The following ACOT1 variants were observed in gnomAD, a reference collection of about 807,000 sequenced individuals.
ACOT1 encodes acyl-CoA thioesterase 1, also known as acyl-coenzyme A thioesterase 1.
ACOT1 carries 8 observed loss-of-function variants against 15.7 expected under a neutral mutation model. That is an observed-to-expected ratio of 0.51 (90% CI 0.30 to 0.92). ACOT1 has a LOEUF of 0.92. ACOT1 is among the 40% of genes least tolerant of loss of function. ACOT1 has a pLI of 0.06. For synonymous variants in ACOT1, 67 were observed against 241.2 expected (o/e 0.28, Z 6.69); for missense variants, 151 against 539.4 (o/e 0.28, Z 7.13).
At chr14:73,512,752 A>G in the ACOT1 span, among the ~76,000 whole-genome samples, 1 of 152,172 alleles carries the variant, frequency 6.6e-6, no homozygotes, top group African/African-American at 2.4e-5. Context: ...TAGTTGCTAA[A>G]TACTCTTTTG....
the ACOT1 span, among the ~76,000 whole-genome samples, chr14:73,529,354 CAAAAAAAA>C: frequency 2.4e-4 from 21 of 87,454 alleles, no homozygotes; most frequent in African/African-American, 8.6e-4. Flanking sequence ...GACTCTGTCT[CAAAAAAAA>C]AAAAAAAAAA....
Position 73,538,778 on chromosome 14 carries a change from G to A in ACOT1, c.457+900G>A, listed in dbSNP as rs1595154564. On this transcript the variant is annotated intron_variant, in intron 1 of 2. Coordinates refer to ENST00000311148, the MANE Select transcript of ACOT1 (RefSeq NM_001037161.2). ...GGATCAAGAGTTCGAGACCAGCCTG[G>A]CCAACATGGTGAAACCCCGTCTCTA... Among the ~76,000 whole-genome samples, 2 of 113,526 alleles carry A rather than the reference G, an allele frequency of 1.8e-5. 1 individual carries two copies. The highest frequency in any genetic ancestry group is 1.4e-3 in the East Asian group (2 of 1,422). The allele number at this position is 113,526 out of a possible 152,430, so 74.5% of individuals were successfully genotyped here.
At chr14:73,502,449 TGTTA>T in the ACOT1 span, among the ~76,000 whole-genome samples, 1 of 152,108 alleles carries the variant, frequency 6.6e-6, no homozygotes, top group African/African-American at 2.4e-5. Context: ...CTAGCCACAT[TGTTA>T]GTTTGTAGGG....
the ACOT1 span, chr14:73,514,275 C>G: frequency 6.3e-7 from 1 of 1,577,410 alleles, no homozygotes; most frequent in Non-Finnish European, 8.7e-7. Flanking sequence ...ACCCCACTGC[C>G]TTAGGCCCTG....
chr14:73,525,297 C>T, the ACOT1 span, among the ~76,000 whole-genome samples: 1 of 152,210 alleles, frequency 6.6e-6, no homozygotes, highest in East Asian at 1.9e-4. Flanking sequence ...CTTCTCAAAG[C>T]GTTGGGATTA....
chr14:73,537,997 C>T, intron 1 of ACOT1, 119 bp downstream of exon 1: 1 of 868,076 alleles, frequency 1.2e-6, no homozygotes, highest in Non-Finnish European at 1.5e-6. Flanking sequence ...GTGTGTCCCT[C>T]CTCCCGCCCC....
chr14:73,509,592 T>G, the ACOT1 span: 3 of 939,752 alleles, frequency 3.2e-6, no homozygotes. Context: ...CTTAGTGCTA[T>G]GTAATATAAT....
At chr14:73,526,871 TG>T in the ACOT1 span, among the ~76,000 whole-genome samples, 2 of 152,148 alleles carry the variant, frequency 1.3e-5, no homozygotes, top group East Asian at 3.9e-4. Context: ...CCCAGTGCAC[TG>T]CCATCTGTGG....
the ACOT1 span, chr14:73,493,236 T>A: frequency 2.4e-6 from 2 of 830,212 alleles, no homozygotes; most frequent in African/African-American, 1.7e-5. Flanking sequence ...TGGGTAACAC[T>A]GACCATGTCG....
the ACOT1 span, among the ~76,000 whole-genome samples, chr14:73,504,076 C>CT: frequency 1.8e-3 from 224 of 127,732 alleles, no homozygotes; most frequent in South Asian, 5.9e-3. Context: ...TTTTGCATTT[C>CT]TTTTTTTTTT....
the ACOT1 span, among the ~76,000 whole-genome samples, chr14:73,497,877 C>G: frequency 9.2e-5 from 14 of 152,200 alleles, no homozygotes; most frequent in African/African-American, 3.1e-4. Context: ...CCTCCTGCCT[C>G]AGCCTCCCAA....
the ACOT1 span, chr14:73,492,648 C>T: frequency 6.2e-7 from 1 of 1,613,980 alleles, no homozygotes; most frequent in Non-Finnish European, 8.5e-7. The surrounding 1 kb of genome is among the most constrained non-coding windows in gnomAD (Gnocchi z 4.9). Flanking sequence ...CAGTTGACAA[C>T]AGAAACAGAA....
At chr14:73,528,569 A>G in the ACOT1 span, among the ~76,000 whole-genome samples, 1 of 152,106 alleles carries the variant, frequency 6.6e-6, no homozygotes, top group Non-Finnish European at 1.5e-5. Flanking sequence ...CCTTGGAGTC[A>G]CGGGACAGGT....
At chr14:73,524,773 G>C in the ACOT1 span, among the ~76,000 whole-genome samples, 1 of 151,672 alleles carries the variant, frequency 6.6e-6, no homozygotes, top group Non-Finnish European at 1.5e-5. Flanking sequence ...CCAAGGAACA[G>C]GTAGGCCTCC....
At chr14:73,497,213 G>T in the ACOT1 span, among the ~76,000 whole-genome samples, 5 of 151,496 alleles carry the variant, frequency 3.3e-5, 1 homozygote, top group Non-Finnish European at 7.4e-5. Context: ...TCTAATTTTT[G>T]TATTTTTAGT....
the ACOT1 span, among the ~76,000 whole-genome samples, chr14:73,504,639 C>A: frequency 6.6e-6 from 1 of 152,164 alleles, no homozygotes; most frequent in African/African-American, 2.4e-5. Context: ...AGAACTAACC[C>A]AAGTCCAAAA....
At chr14:73,499,735 T>A in the ACOT1 span, among the ~76,000 whole-genome samples, 1 of 152,190 alleles carries the variant, frequency 6.6e-6, no homozygotes, top group Non-Finnish European at 1.5e-5. Context: ...AATGGAATTA[T>A]AACTCCATTT....
At chr14:73,498,276 C>A in the ACOT1 span, 1 of 1,614,024 alleles carries the variant, frequency 6.2e-7, no homozygotes, top group Non-Finnish European at 8.5e-7. Flanking sequence ...CCTGGTGACT[C>A]TTCATAGTGG....
the ACOT1 span, among the ~76,000 whole-genome samples, chr14:73,506,806 T>TTTTTTTTTTTTTGTTTG: frequency 6.1e-5 from 4 of 65,916 alleles, no homozygotes; most frequent in African/African-American, 2.3e-4. Context: ...CTTTAACTGT[T>TTTTTTTTTTTTTGTTTG]TTTTTTTTTT....
Sources: gnomAD v4.1 joint callset for allele counts (sites outside exome capture counted in the v4.1 genomes callset) on GRCh38, gnomAD v4.1.1 for gene constraint, Gnocchi (gnomAD v3.1) non-coding constraint, MANE v1.5 for transcripts, NCBI Gene and HGNC (gene_info 2026-07-23, HGNC 2026-07-21) for gene names.